The following MECOM variants were observed in gnomAD, a reference collection of about 807,000 sequenced individuals.
The protein encoded by MECOM is histone-lysine N-methyltransferase MECOM.
In MECOM, 13 loss-of-function variants were observed where a neutral mutation model predicts 116.3. The ratio of observed to expected loss-of-function variants is 0.11; its 90% confidence interval spans 0.07 to 0.18. The LOEUF (loss-of-function observed/expected upper bound fraction) is 0.18. Among genes scored for constraint, MECOM ranks in the 10% least tolerant of loss-of-function variants. MECOM has a pLI of 1.00. For missense variants in MECOM, 1,299 were observed against 1,509.0 expected (o/e 0.86, Z 2.31); for synonymous variants, 528 against 535.2 (o/e 0.99, Z 0.19).
chr3:169,298,758 G>A (rs187271376), intron 2 of MECOM, among the ~76,000 whole-genome samples: 6 of 152,278 alleles, frequency 3.9e-5, no homozygotes, highest in Non-Finnish European at 7.4e-5. Flanking sequence ...CTGCACTGAG[G>A]AGGAAACACT....
At chr3:169,529,093 A>G (rs896823778) in intron 1 of MECOM, among the ~76,000 whole-genome samples, 3 of 145,486 alleles carry the variant, frequency 2.1e-5, no homozygotes, top group African/African-American at 7.3e-5. Context: ...AAAATTAAAA[A>G]TAAGGCCTTT....
At chr3:169,153,912 A>ATTG (rs1741552164) in intron 2 of MECOM, among the ~76,000 whole-genome samples, 1 of 152,240 alleles carries the variant, frequency 6.6e-6, no homozygotes, top group East Asian at 1.9e-4. Flanking sequence ...GTAAACTTAC[A>ATTG]TACATGCACA....
At chr3:169,605,188 T>C (rs771848200) in intron 1 of MECOM, among the ~76,000 whole-genome samples, 7 of 152,102 alleles carry the variant, frequency 4.6e-5, no homozygotes, top group Non-Finnish European at 7.3e-5. Flanking sequence ...AAGAAGATGA[T>C]ATATACTGCC....
chr3:169,086,741 T>G (rs1717884668), intron 16 of MECOM, among the ~76,000 whole-genome samples: 1 of 152,184 alleles, frequency 6.6e-6, no homozygotes, highest in African/African-American at 2.4e-5. Context: ...GGAGAGCACA[T>G]GCAAAATGCA....
At chr3:169,558,755 A>C (rs1762312153) in intron 1 of MECOM, among the ~76,000 whole-genome samples, 1 of 152,172 alleles carries the variant, frequency 6.6e-6, no homozygotes, top group African/African-American at 2.4e-5. Flanking sequence ...AGTAACTACA[A>C]AGAAACAGCT....
At chr3:169,603,603 A>G (rs1176713277) in intron 1 of MECOM, among the ~76,000 whole-genome samples, 1 of 152,212 alleles carries the variant, frequency 6.6e-6, no homozygotes, top group Non-Finnish European at 1.5e-5. Context: ...AGTGTTCTAT[A>G]CAGGTGTACC....
intron 2 of MECOM, among the ~76,000 whole-genome samples, chr3:169,220,462 G>A (rs1198275228): frequency 2.0e-5 from 3 of 151,548 alleles, no homozygotes; most frequent in Admixed American, 6.6e-5. Context: ...TATCTTTCTT[G>A]CATTTAATTT....
intron 2 of MECOM, among the ~76,000 whole-genome samples, chr3:169,356,015 A>C (rs1727215064): frequency 1.3e-5 from 2 of 152,020 alleles, no homozygotes; most frequent in African/African-American, 4.8e-5. Context: ...ATTACTCAAA[A>C]TTCACAGTTT....
chr3:169,632,354 C>A (rs1407094089), intron 1 of MECOM, among the ~76,000 whole-genome samples: 1 of 152,026 alleles, frequency 6.6e-6, no homozygotes, highest in East Asian at 1.9e-4. Flanking sequence ...CATTCCCTCA[C>A]CAGTCATCTA....
At position 169,378,490 on chromosome 3, in the gene MECOM, A is replaced by C. The variant is rs1304734621; in HGVS notation, c.375+2697T>G. On this transcript the variant is annotated intron_variant, in intron 2 of 16. Coordinates refer to ENST00000651503, the MANE Select transcript of MECOM (RefSeq NM_004991.4). The stretch of plus-strand genomic sequence containing the variant: ...GCAAGCAAGCAAGAAAGAGAGAGAG[A>C]AAGAAAGAAAGAAAGAAAGAAAGAA... Among the ~76,000 whole-genome samples the C allele has an allele frequency of 4.2e-3, 143 of 33,918 alleles. 18 individuals are homozygous for C. The African/African-American group carries it at 0.042, about 10-fold the overall frequency. The allele number at this position is 33,918 out of a possible 152,430, so 22.3% of individuals were successfully genotyped here.
chr3:169,410,576 T>C (rs547634692), intron 1 of MECOM, among the ~76,000 whole-genome samples: 2 of 151,036 alleles, frequency 1.3e-5, no homozygotes, highest in East Asian at 4.0e-4. Flanking sequence ...TGAGTAATAC[T>C]TGTTATCAGA....
At chr3:169,441,069 A>C (rs899809873) in intron 1 of MECOM, among the ~76,000 whole-genome samples, 1 of 152,198 alleles carries the variant, frequency 6.6e-6, no homozygotes, top group African/African-American at 2.4e-5. Flanking sequence ...TACAGATAAC[A>C]ATGAGTCTAA....
chr3:169,194,348 A>C (rs1409229936), intron 2 of MECOM, among the ~76,000 whole-genome samples: 1 of 152,060 alleles, frequency 6.6e-6, no homozygotes, highest in Non-Finnish European at 1.5e-5. Flanking sequence ...TAGCATTAGG[A>C]GATATACCTA....
At chr3:169,627,636 A>G (rs374817922) in intron 1 of MECOM, among the ~76,000 whole-genome samples, 97 of 152,344 alleles carry the variant, frequency 6.4e-4, no homozygotes, top group Non-Finnish European at 1.2e-3. Context: ...TCTAGTAATA[A>G]TGGATTCTAA....
chr3:169,630,649 G>C (rs2109964579), intron 1 of MECOM, among the ~76,000 whole-genome samples: 1 of 152,264 alleles, frequency 6.6e-6, no homozygotes, highest in Non-Finnish European at 1.5e-5. Context: ...TTTTTGTAGA[G>C]AAGGGGTCTC....
intron 2 of MECOM, among the ~76,000 whole-genome samples, chr3:169,358,400 G>A (rs188437070): frequency 3.9e-4 from 59 of 151,582 alleles, no homozygotes; most frequent in Non-Finnish European, 7.5e-4. Context: ...AACTTAGATA[G>A]ACCAGTTTTC....
chr3:169,211,250 A>G (rs188491263), intron 2 of MECOM, among the ~76,000 whole-genome samples: 3 of 152,124 alleles, frequency 2.0e-5, no homozygotes, highest in Admixed American at 1.3e-4. Context: ...AGATTTTTCT[A>G]CTCTCATGGG....
Position 169,381,487 on chromosome 3 carries a change from A to G in MECOM, c.75T>C (p.Pro25=), listed in dbSNP as rs1286655200. 2 of 1,612,550 alleles carry G rather than the reference A, an allele frequency of 1.2e-6. No homozygotes were observed. The highest frequency in any genetic ancestry group is 1.7e-6 in the Non-Finnish European group (2 of 1,179,256). ...ECVYGNYPEI[P]LEEMPDADGV... is the part of the protein sequence containing the mutation. ...CATCTGCATCTGGCATTTCTTCCAA[A>G]GGTATTTCAGGGTAGTTGCCATATA... The change falls in exon 2 of 17, where the codon CCT becomes CCC. Residue 25 remains proline (P), a synonymous_variant. Coordinates refer to ENST00000651503, the MANE Select transcript of MECOM (RefSeq NM_004991.4).
At position 169,112,894 on chromosome 3, in the gene MECOM, T is replaced by C; in HGVS notation, c.2490-20A>G. 2 of 1,567,810 alleles carry C rather than the reference T, an allele frequency of 1.3e-6. No homozygotes were observed. The highest frequency in any genetic ancestry group is 1.8e-6 in the Non-Finnish European group (2 of 1,141,102). On this transcript the variant is annotated intron_variant, in intron 8 of 16. Coordinates refer to ENST00000651503, the MANE Select transcript of MECOM (RefSeq NM_004991.4). ...TCTACTCTGAAAGGTTAAAATTAGA[T>C]TTTGGAGATGAAGCAGTCTCACATA...
Sources: allele counts gnomAD v4.1 joint callset (sites outside exome capture counted in the v4.1 genomes callset), GRCh38; gene constraint gnomAD v4.1.1; transcripts MANE v1.5; gene names NCBI Gene and HGNC (gene_info 2026-07-23, HGNC 2026-07-21).